ARHGAP22: variants seen among roughly 807,000 people sequenced by gnomAD.
The protein encoded by ARHGAP22 is Rho GTPase activating protein 22, also known as rho GTPase-activating protein 22.
A neutral mutation model predicts 59.1 loss-of-function variants in ARHGAP22; 48 were observed. The observed-to-expected ratio is 0.81, with a 90% confidence interval of 0.64 to 1.03. ARHGAP22 has a LOEUF of 1.03. Ranked by LOEUF, ARHGAP22 falls within the 50% of genes least tolerant of loss-of-function variation. ARHGAP22 has a pLI of 0.00. For synonymous variants in ARHGAP22, 445 were observed against 416.4 expected (o/e 1.07, Z -0.84); for missense variants, 1,015 against 958.7 (o/e 1.06, Z -0.78).
intron 1 of ARHGAP22, among the ~76,000 whole-genome samples, chr10:48,592,769 TC>T (rs2059841091): frequency 6.6e-6 from 1 of 152,076 alleles, no homozygotes; most frequent in African/African-American, 2.4e-5. Flanking sequence ...CTCCCAGGGT[TC>T]CCCCATCTCA....
chr10:48,555,377 AGT>A, intron 3 of ARHGAP22, 84 bp downstream of exon 3: 1 of 923,578 alleles, frequency 1.1e-6, no homozygotes, highest in Non-Finnish European at 1.6e-6. Flanking sequence ...CTGCGGGAGG[AGT>A]GTCACGAAGG....
At position 48,451,121 on chromosome 10, in the gene ARHGAP22, G is replaced by A; in HGVS notation, c.1008C>T (p.His336=). 1 of 1,552,694 alleles carries A rather than the reference G, an allele frequency of 6.4e-7. No individual in the cohort carries two copies. Among genetic ancestry groups the A allele is most frequent in the Non-Finnish European group, 8.7e-7 (1 of 1,147,994 alleles). Residue 336 remains histidine, a synonymous_variant, in exon 9 of 10, where the codon CAC becomes CAT. Transcript: ENST00000249601. Reference sequence around the variant, plus strand: ...GTTTGCGGATGAGGACGGTCATCAGGTGCTGGACGAGGGAAGTGCCTGCCG... The same window carrying A: ...GTTTGCGGATGAGGACGGTCATCAGATGCTGGACGAGGGAAGTGCCTGCCG... ...TIMEGTSLVQ[H]LMTVLIRKHS... is the part of the protein sequence containing the mutation.
chr10:48,499,595 A>G (rs1426180753), intron 3 of ARHGAP22, among the ~76,000 whole-genome samples: 1 of 152,246 alleles, frequency 6.6e-6, no homozygotes, highest in Non-Finnish European at 1.5e-5. Flanking sequence ...TTTCCCTGGA[A>G]GGGTTCACCA....
chr10:48,586,904 C>T (rs1319557658), intron 1 of ARHGAP22, among the ~76,000 whole-genome samples: 2 of 152,170 alleles, frequency 1.3e-5, no homozygotes, highest in Non-Finnish European at 2.9e-5. Flanking sequence ...AGCTACTGGG[C>T]CCCCTTTCCC....
At chr10:48,465,432 C>T (rs1421889477) in intron 4 of ARHGAP22, among the ~76,000 whole-genome samples, 1 of 152,266 alleles carries the variant, frequency 6.6e-6, no homozygotes, top group African/African-American at 2.4e-5. Flanking sequence ...TGGGCACTGT[C>T]CTAAGCCTCT....
intron 3 of ARHGAP22, among the ~76,000 whole-genome samples, chr10:48,489,814 A>C (rs996124058): frequency 6.6e-6 from 1 of 150,964 alleles, no homozygotes; most frequent in Non-Finnish European, 1.5e-5. Flanking sequence ...GCTCACTGCA[A>C]GCTCCGCCTC....
chr10:48,535,253 C>T (rs1308840427), intron 3 of ARHGAP22, among the ~76,000 whole-genome samples: 20 of 152,370 alleles, frequency 1.3e-4, no homozygotes, highest in Admixed American at 1.2e-3. Context: ...GCTTGCTGCT[C>T]TAACAGCTCC....
intron 3 of ARHGAP22, among the ~76,000 whole-genome samples, chr10:48,535,052 T>G (rs552581743): frequency 6.6e-6 from 1 of 152,290 alleles, no homozygotes; most frequent in South Asian, 2.1e-4. Context: ...AGTTAACTAG[T>G]GCTCCTTGCA....
intron 4 of ARHGAP22, among the ~76,000 whole-genome samples, chr10:48,472,815 T>C (rs1246220901): frequency 1.5e-5 from 2 of 131,862 alleles, no homozygotes; most frequent in Non-Finnish European, 3.2e-5. Flanking sequence ...AGGATGGCTA[T>C]TAAAAAAAAA....
At chr10:48,630,791 T>C (rs921123137) in intron 1 of ARHGAP22, among the ~76,000 whole-genome samples, 1 of 152,240 alleles carries the variant, frequency 6.6e-6, no homozygotes, top group African/African-American at 2.4e-5. Context: ...TTCCTTCTCT[T>C]GTCTTACTGC....
At chr10:48,650,673 G>T (rs752974580) in intron 1 of ARHGAP22, among the ~76,000 whole-genome samples, 1 of 152,202 alleles carries the variant, frequency 6.6e-6, no homozygotes, top group Non-Finnish European at 1.5e-5. Context: ...CCTATGCTAT[G>T]AATCTGGGGA....
chr10:48,550,985 T>A (rs1052415294), intron 3 of ARHGAP22, among the ~76,000 whole-genome samples: 2 of 152,136 alleles, frequency 1.3e-5, no homozygotes, highest in African/African-American at 4.8e-5. Flanking sequence ...TTTGTGCTGC[T>A]CCCCCAGCAC....
intron 3 of ARHGAP22, among the ~76,000 whole-genome samples, chr10:48,505,582 T>A (rs1341041833): frequency 6.6e-6 from 1 of 152,066 alleles, no homozygotes; most frequent in Non-Finnish European, 1.5e-5. Context: ...AGAGCCAGGC[T>A]GGAGGTGGCT....
chr10:48,533,786 G>C (rs2134994300), intron 3 of ARHGAP22, among the ~76,000 whole-genome samples: 1 of 152,354 alleles, frequency 6.6e-6, no homozygotes, highest in Non-Finnish European at 1.5e-5. Flanking sequence ...CCTGTGGACT[G>C]TACTTTACAG....
At chr10:48,524,163 G>A in intron 3 of ARHGAP22, 1 of 1,171,996 alleles carries the variant, frequency 8.5e-7, no homozygotes. Context: ...CTGCGCCCCG[G>A]GGCGGCGCGG....
chr10:48,578,824 C>T (rs1487363166), intron 2 of ARHGAP22, among the ~76,000 whole-genome samples: 1 of 151,940 alleles, frequency 6.6e-6, no homozygotes, highest in African/African-American at 2.4e-5. Flanking sequence ...TCTCTCTGTT[C>T]CCCTTTTTTC....
At chr10:48,553,146 C>T (rs80143386) in intron 3 of ARHGAP22, among the ~76,000 whole-genome samples, 2,458 of 152,344 alleles carry the variant, frequency 0.016, 73 homozygotes, top group African/African-American at 0.056. Context: ...CTCTTGGGCC[C>T]CGGGCAGCAC....
chr10:48,607,280 C>T (rs1004872893), upstream of ARHGAP22, among the ~76,000 whole-genome samples: 4 of 152,208 alleles, frequency 2.6e-5, no homozygotes, highest in Admixed American at 6.5e-5. Flanking sequence ...ACTGTGTTCA[C>T]TCGCCTGCTT....
chr10:48,506,373 T>C (rs1245000169), intron 3 of ARHGAP22, among the ~76,000 whole-genome samples: 1 of 152,212 alleles, frequency 6.6e-6, no homozygotes. Flanking sequence ...CTGTGTGGAA[T>C]ACTGCAGGCA....
Sources: gnomAD v4.1 joint callset for allele counts (sites outside exome capture counted in the v4.1 genomes callset) on GRCh38, gnomAD v4.1.1 for gene constraint, MANE v1.5 for transcripts, NCBI Gene and HGNC (gene_info 2026-07-23, HGNC 2026-07-21) for gene names.